Variants in COPS2 observed in about 807,000 individuals in gnomAD.
COPS2 encodes the protein COP9 signalosome complex subunit 2.
In COPS2, 10 loss-of-function variants were observed where a neutral mutation model predicts 66.1. The ratio of observed to expected loss-of-function variants is 0.15; its 90% CI spans 0.09 to 0.26. COPS2 has a LOEUF of 0.26. COPS2 is among the 10% of genes least tolerant of loss of function. The pLI is 1.00. For missense variants in COPS2, 215 were observed against 513.3 expected, an observed-to-expected ratio of 0.42 and a Z score of 5.62; for synonymous variants, 179 against 171.3, an observed-to-expected ratio of 1.04 and a Z score of -0.35.
rs561485120 is a variant in COPS2 at position 49,127,286 on chromosome 15, C to T, written c.*664G>A. On this transcript the variant is annotated 3_prime_UTR_variant, in exon 13 of 13. Transcript: ENST00000388901. ...CTGAAGATAAAATAATTTGAAATTTCGAAGGTACTAAAAAACAAAACAACT... is the reference window on the plus strand; with the variant it reads ...CTGAAGATAAAATAATTTGAAATTTTGAAGGTACTAAAAAACAAAACAACT... 1.0e-4 allele frequency: 16 copies of T among 152,402 alleles called. No homozygotes were observed. The highest frequency in any genetic ancestry group is 2.1e-4 in the South Asian group (1 of 4,814). The allele number at this position is 152,402 out of a possible 1,614,324, so 9.4% of individuals were successfully genotyped here.
Position 49,127,832 on chromosome 15 carries a change from A to C in COPS2, c.*118T>G. The C allele has an allele frequency of 9.3e-7, 1 of 1,075,636 alleles. No individual in the cohort carries two copies. Among genetic ancestry groups the C allele is most frequent in the Non-Finnish European group, 1.3e-6 (1 of 752,938 alleles). The allele number at this position is 1,075,636 out of a possible 1,614,324, so 66.6% of individuals were successfully genotyped here. A position where few individuals can be genotyped will look rare whatever the true frequency, so the allele number is the denominator to read the frequency against. On this transcript the variant is annotated 3_prime_UTR_variant, in exon 13 of 13. Transcript: ENST00000388901. ...AGTTGATCAAAAAAGCACTTCTGCC[A>C]TAACTCCAATAATTTTCAGGACACA...
chr15:49,133,852 AAAC>A (rs772146629), intron 8 of COPS2, 41 bp from the exon 9 acceptor site: 2 of 1,546,416 alleles, frequency 1.3e-6, no homozygotes, highest in East Asian at 2.3e-5. Flanking sequence ...ATGTACAAAG[AAAC>A]AACATTTTAA....
Position 49,144,154 on chromosome 15 carries a change from A to G in COPS2, c.246+73T>C, listed in dbSNP as rs567657974. On this transcript the variant is annotated intron_variant, in intron 3 of 12. Coordinates refer to ENST00000388901, the MANE Select transcript of COPS2 (RefSeq NM_004236.4). ...AGAAGTACTTTAGAAAAGAAGATAT[A>G]ATAGTACTTTGTCGTGATGAGGTTT... 3 of 921,336 alleles carry G rather than the reference A, an allele frequency of 3.3e-6. No homozygotes were observed. In the South Asian group the frequency reaches 4.1e-5, roughly 13 times the overall value. The allele number at this position is 921,336 out of a possible 1,614,324, so 57.1% of individuals were successfully genotyped here.
At chr15:49,149,218 C>T (rs1295824270) in intron 1 of COPS2, among the ~76,000 whole-genome samples, 1 of 152,204 alleles carries the variant, frequency 6.6e-6, no homozygotes, top group Non-Finnish European at 1.5e-5. Context: ...TCCATCCACA[C>T]AACCAAAATC....
chr15:49,141,996 C>A (rs1355249158), intron 3 of COPS2, among the ~76,000 whole-genome samples: 2 of 152,120 alleles, frequency 1.3e-5, no homozygotes, highest in East Asian at 3.8e-4. Context: ...AACATTCAGC[C>A]CCTAATGGCA....
intron 1 of COPS2, among the ~76,000 whole-genome samples, chr15:49,148,022 C>T (rs919076618): frequency 2.0e-5 from 3 of 152,286 alleles, no homozygotes; most frequent in East Asian, 3.9e-4. Flanking sequence ...CATCACTAAC[C>T]CATCATTTGC....
intron 1 of COPS2, among the ~76,000 whole-genome samples, chr15:49,151,399 C>CA (rs35587443): frequency 0.018 from 2,090 of 114,160 alleles, 42 homozygotes; most frequent in African/African-American, 0.07. Context: ...AACTCTGTCT[C>CA]AAAAAAAAAA....
intron 1 of COPS2, among the ~76,000 whole-genome samples, chr15:49,150,681 C>T (rs530672626): frequency 1.6e-4 from 24 of 152,202 alleles, no homozygotes; most frequent in Middle Eastern, 3.4e-3. Flanking sequence ...ACTGCATGTT[C>T]TCTGTTATAA....
intron 1 of COPS2, among the ~76,000 whole-genome samples, chr15:49,155,164 G>A (rs2084411570): frequency 6.6e-6 from 1 of 152,254 alleles, no homozygotes; most frequent in Non-Finnish European, 1.5e-5. Context: ...GCCCGAAAGG[G>A]CAAAGCCAGG....
chr15:49,134,242 G>T, intron 7 of COPS2, 98 bp downstream of exon 7: 1 of 1,401,120 alleles, frequency 7.1e-7, no homozygotes. Context: ...AATACTACTG[G>T]CCCCAAGGTA....
intron 3 of COPS2, among the ~76,000 whole-genome samples, chr15:49,141,865 AAACCAAGTCTTAAGGGTAGCAC>A (rs2084291787): frequency 6.6e-6 from 1 of 152,232 alleles, no homozygotes; most frequent in African/African-American, 2.4e-5. Context: ...TAAAATGGCA[AAACCAAGTCTTAAGGGTAGCAC>A]AGTGTTCAAA....
At chr15:49,130,693 G>T in intron 10 of COPS2, 26 bp downstream of exon 10, 1 of 1,354,704 alleles carries the variant, frequency 7.4e-7, no homozygotes, top group Non-Finnish European at 1.0e-6. Context: ...GAAAGTAATA[G>T]AATCCAGTTG....
In COPS2 at chr15:49,126,994, A is replaced by G. The variant is rs948915015; in HGVS notation, c.*956T>C. 6.6e-6 allele frequency: 1 copy of G among 152,172 alleles called. No homozygotes were observed. The highest frequency in any genetic ancestry group is 1.5e-5 in the Non-Finnish European group (1 of 68,000). The allele number at this position is 152,172 out of a possible 1,614,324, so 9.4% of individuals were successfully genotyped here. On this transcript the variant is annotated 3_prime_UTR_variant, in exon 13 of 13. Transcript: ENST00000388901. ...TGGCATTAGGAAATAACCTTCCAGCATGATCACTATGCAGAGTAACATTCA... is the reference window on the plus strand; with the variant it reads ...TGGCATTAGGAAATAACCTTCCAGCGTGATCACTATGCAGAGTAACATTCA...
intron 1 of COPS2, 76 bp downstream of exon 1, chr15:49,155,449 G>T (rs1051376631): frequency 7.1e-7 from 1 of 1,406,840 alleles, no homozygotes; most frequent in African/African-American, 1.4e-5. Context: ...TACGGGGAGA[G>T]GCCGCGGGCG....
chr15:49,123,050 T>C lies in COPS2; in HGVS notation c.*4900A>G, dbSNP rs139151824. 147 of 152,346 alleles carry C rather than the reference T, an allele frequency of 9.6e-4. No homozygotes were observed. The highest frequency in any genetic ancestry group is 3.2e-3 in the African/African-American group (134 of 41,594). 9.4% of individuals were successfully genotyped at this position (152,346 alleles called of 1,614,324 possible). A position where few individuals can be genotyped will look rare whatever the true frequency, so the allele number is the denominator to read the frequency against. On this transcript the variant is annotated 3_prime_UTR_variant, in exon 13 of 13. Coordinates refer to ENST00000388901, the MANE Select transcript of COPS2 (RefSeq NM_004236.4). ...AAACAACTTTCTATTTTCCATGTCA[T>C]TGCTCCATTTCTTGAAATATATTTT...
intron 3 of COPS2, 125 bp downstream of exon 3, chr15:49,144,102 G>T (rs920638455): frequency 1.4e-6 from 1 of 693,030 alleles, no homozygotes; most frequent in East Asian, 2.7e-5. Context: ...CAACTGCAGA[G>T]CAGACTAAAT....
At chr15:49,131,416 A>G (rs2084207740) in intron 9 of COPS2, among the ~76,000 whole-genome samples, 1 of 151,492 alleles carries the variant, frequency 6.6e-6, no homozygotes, top group African/African-American at 2.4e-5. Context: ...TCTCTGAGGT[A>G]TCTAGTATCT....
At chr15:49,147,459 A>AAGC (rs1298350283) in intron 1 of COPS2, among the ~76,000 whole-genome samples, 10 of 152,318 alleles carry the variant, frequency 6.6e-5, no homozygotes, top group African/African-American at 2.4e-4. Flanking sequence ...AAAGGTATAC[A>AAGC]TGACAACAGT....
chr15:49,139,052 A>G (rs1382448255), intron 4 of COPS2, among the ~76,000 whole-genome samples: 2 of 152,188 alleles, frequency 1.3e-5, no homozygotes, highest in African/African-American at 4.8e-5. Context: ...CTCTTCTTTC[A>G]TTATCCACCC....
Sources: gnomAD v4.1 joint callset for allele counts (sites outside exome capture counted in the v4.1 genomes callset) on GRCh38, gnomAD v4.1.1 for gene constraint, MANE v1.5 for transcripts, NCBI Gene and HGNC (gene_info 2026-07-23, HGNC 2026-07-21) for gene names.